The following HEATR3 variants were observed in gnomAD, a reference collection of about 807,000 sequenced individuals.
HEATR3 encodes the protein HEAT repeat containing 3.
A neutral mutation model predicts 72.8 loss-of-function variants in HEATR3; 56 were observed. The observed-to-expected ratio is 0.77, with a 90% CI of 0.62 to 0.96. The LOEUF (loss-of-function observed/expected upper bound fraction) is 0.96. Ranked by LOEUF, HEATR3 falls within the 40% of genes least tolerant of loss-of-function variation. The pLI is 0.00. For synonymous variants in HEATR3, 331 were observed against 318.1 expected, an observed-to-expected ratio of 1.04 and a Z score of -0.43; for missense variants, 747 against 831.4, an observed-to-expected ratio of 0.90 and a Z score of 1.25.
chr16:50,076,360 G>A (rs1327226757), intron 6 of HEATR3, among the ~76,000 whole-genome samples: 2 of 151,414 alleles, frequency 1.3e-5, no homozygotes, highest in Non-Finnish European at 1.5e-5. Context: ...GCTAATTTCT[G>A]TATTTTTGGT....
rs775873641 is a variant in HEATR3 at position 50,078,973 on chromosome 16, T to A, written c.996T>A (p.His332Gln). ...ATGATGAAATGGAAGGAATTTCTCA[T>A]AAAAGAAGAGTCAGAAGGAAAACTT... is the stretch of plus-strand genomic sequence containing the variant. Reference protein sequence around the residue: ...IEDDEMEGISHKRRVRRKTFV... With the variant: ...IEDDEMEGISQKRRVRRKTFV... The change falls in exon 7 of 15, where the codon CAT becomes CAA. Residue 332 changes from histidine (H) to glutamine (Q), a missense_variant. His to Gln is a conservative substitution (Grantham distance 24). This residue lies in a region of HEATR3 where 586 missense variants were observed against 708.8 expected (regional missense o/e 0.83). Coordinates refer to ENST00000299192, the MANE Select transcript of HEATR3 (RefSeq NM_182922.4). 2 of 1,613,774 alleles carry A rather than the reference T, an allele frequency of 1.2e-6. No homozygotes were observed. Among genetic ancestry groups the A allele is most frequent in the East Asian group, 2.2e-5 (1 of 44,840 alleles).
intron 14 of HEATR3, 118 bp downstream of exon 14, chr16:50,102,553 A>G (rs2037392572): frequency 2.6e-6 from 2 of 781,660 alleles, no homozygotes. Context: ...CATATGTAGC[A>G]CAGCATCCCC....
At chr16:50,080,502 G>A (rs896493602) in intron 7 of HEATR3, among the ~76,000 whole-genome samples, 7 of 151,902 alleles carry the variant, frequency 4.6e-5, no homozygotes, top group South Asian at 2.1e-4. Context: ...CACCACACCC[G>A]GCCAACTTGG....
rs1040688597 is a variant in HEATR3 at position 50,066,369 on chromosome 16, C to A, written c.141C>A (p.Leu47=). The change falls in exon 2 of 15, where the codon CTC becomes CTA. Residue 47 remains leucine (L), a splice_region_variant and synonymous_variant. Transcript: ENST00000299192. ...ACCCTTTTCGCTCTCATCCGCAGCT[C>A]CAGCACCCGAGCGCCGAGGTCCGCG... is the stretch of plus-strand genomic sequence containing the variant. ...DGPAAELLEK[L]QHPSAEVREC... 4.5e-6 allele frequency: 7 copies of A among 1,551,330 alleles called. No homozygotes were observed. The African/African-American group carries it at 9.9e-5, about 22-fold the overall frequency.
intron 6 of HEATR3, among the ~76,000 whole-genome samples, 187 bp from the exon 7 acceptor site, chr16:50,078,554 C>T (rs192831293): frequency 1.6e-4 from 24 of 152,232 alleles, no homozygotes; most frequent in Admixed American, 2.0e-4. Context: ...GATGATTGTG[C>T]AGGGTTATAA....
At position 50,084,124 on chromosome 16, in the gene HEATR3, C is replaced by A; in HGVS notation, c.1133-10C>A. ...CTATTCCAGTTCTGCGTGGTTTGCCCGCTTCCCAGATCCCTCTGATGACGA... is the reference window on the plus strand; with the variant it reads ...CTATTCCAGTTCTGCGTGGTTTGCCAGCTTCCCAGATCCCTCTGATGACGA... On this transcript the variant is annotated splice_polypyrimidine_tract_variant and intron_variant, in intron 8 of 14. Coordinates refer to ENST00000299192, the MANE Select transcript of HEATR3 (RefSeq NM_182922.4). 1 of 1,614,084 alleles carries A rather than the reference C, an allele frequency of 6.2e-7. No homozygotes were observed. The highest frequency in any genetic ancestry group is 8.5e-7 in the Non-Finnish European group (1 of 1,179,996).
intron 13 of HEATR3, among the ~76,000 whole-genome samples, chr16:50,101,952 A>G (rs772537847): frequency 5.3e-5 from 8 of 152,172 alleles, no homozygotes; most frequent in Admixed American, 3.9e-4. Flanking sequence ...TAATATTTCT[A>G]TGCATCTTGA....
intron 10 of HEATR3, among the ~76,000 whole-genome samples, chr16:50,085,356 T>C (rs1567437115): frequency 6.6e-6 from 1 of 152,212 alleles, no homozygotes; most frequent in Non-Finnish European, 1.5e-5. Flanking sequence ...CTGGGCATGG[T>C]GGCTCACACC....
chr16:50,068,309 T>G (rs1008815), intron 2 of HEATR3, among the ~76,000 whole-genome samples: 120,157 of 152,044 alleles, frequency 0.79, 47,618 homozygotes, highest in Middle Eastern at 0.84. Context: ...GCTTTTTATT[T>G]TATTTTATTT....
chr16:50,084,436 G>T, intron 9 of HEATR3, 133 bp from the exon 10 acceptor site: 1 of 1,165,444 alleles, frequency 8.6e-7, no homozygotes. Flanking sequence ...TAACAGTACT[G>T]GAAATAGGCG....
intron 10 of HEATR3, among the ~76,000 whole-genome samples, chr16:50,085,952 C>T (rs1001042546): frequency 1.3e-5 from 2 of 151,912 alleles, no homozygotes; most frequent in East Asian, 1.9e-4. Flanking sequence ...CACTTGTGCT[C>T]AGGAGGTTGA....
intron 11 of HEATR3, among the ~76,000 whole-genome samples, chr16:50,092,012 G>T (rs555559329): frequency 1.4e-4 from 21 of 151,782 alleles, no homozygotes; most frequent in South Asian, 2.1e-4. Flanking sequence ...TATACACTTT[G>T]CAGTCAATAT....
intron 11 of HEATR3, among the ~76,000 whole-genome samples, chr16:50,087,188 G>A: frequency 6.6e-6 from 1 of 152,040 alleles, no homozygotes; most frequent in African/African-American, 2.4e-5. Flanking sequence ...GTGCGTGTGT[G>A]TAAGGCAAAT....
At chr16:50,078,156 G>A (rs2036782555) in intron 6 of HEATR3, among the ~76,000 whole-genome samples, 2 of 152,020 alleles carry the variant, frequency 1.3e-5, no homozygotes, top group Admixed American at 6.5e-5. Context: ...GGATTACAGG[G>A]TGAGACACTG....
chr16:50,100,446 C>T, intron 13 of HEATR3, 73 bp downstream of exon 13: 1 of 1,476,500 alleles, frequency 6.8e-7, no homozygotes, highest in Non-Finnish European at 9.4e-7. Flanking sequence ...TGTAGGATTT[C>T]TTAAAACTTG....
rs370606234 is a variant in HEATR3, at chr16:50,078,989, A to G, written c.1012A>G (p.Arg338Gly). The change falls in exon 7 of 15, where the codon AGG (arginine) becomes GGG (glycine). Residue 338 changes from arginine (R) to glycine (G), a missense_variant. Transcript: ENST00000299192. ...AATTTCTCATAAAAGAAGAGTCAGAAGGAAAACTTTCGTTTCAGATTTACT... is the reference window on the plus strand; with the variant it reads ...AATTTCTCATAAAAGAAGAGTCAGAGGGAAAACTTTCGTTTCAGATTTACT... ...EGISHKRRVR[R>G]KTFVSDLLPP... 1 of 1,612,954 alleles carries G rather than the reference A, an allele frequency of 6.2e-7. No homozygotes were observed. Among genetic ancestry groups the G allele is most frequent in the African/African-American group, 1.3e-5 (1 of 74,852 alleles).
intron 6 of HEATR3, among the ~76,000 whole-genome samples, chr16:50,077,877 A>ATTTTTTTTT (rs56374170): frequency 0.061 from 6,367 of 104,200 alleles, 572 homozygotes; most frequent in East Asian, 0.17. Context: ...AATGGATGTA[A>ATTTTTTTTT]TTTTTTTTTT....
At chr16:50,097,345 A>T (rs1423163048) in intron 12 of HEATR3, among the ~76,000 whole-genome samples, 34 of 125,892 alleles carry the variant, frequency 2.7e-4, no homozygotes, top group South Asian at 9.8e-4. Flanking sequence ...ATTAGCTATG[A>T]TTTTTTTTTT....
Position 50,066,036 on chromosome 16 carries a change from G to C in HEATR3, c.-96G>C, listed in dbSNP as rs2036478149. The C allele has an allele frequency of 1.5e-6, 2 of 1,339,786 alleles. No homozygotes were observed. The highest frequency in any genetic ancestry group is 3.1e-5 in the African/African-American group (2 of 65,096). The allele number at this position is 1,339,786 out of a possible 1,614,324, so 83.0% of individuals were successfully genotyped here. A position where few individuals can be genotyped will look rare whatever the true frequency, so the allele number is the denominator to read the frequency against. On this transcript the variant is annotated 5_prime_UTR_variant, in exon 1 of 15. It removes the in-frame stop codon of an upstream open reading frame in the 5' UTR. Transcript: ENST00000299192. ...GCTGCAGCCGTCAGCCGGCCCAGCT[G>C]AGCAGCAGCAACGGACCTTGTTAAC...
Sources: gnomAD v4.1 joint callset for allele counts (sites outside exome capture counted in the v4.1 genomes callset) on GRCh38, gnomAD v4.1.1 for gene constraint, gnomAD v4.1.1 regional missense constraint, MANE v1.5 for transcripts, NCBI Gene and HGNC (gene_info 2026-07-23, HGNC 2026-07-21) for gene names.